The following ADCK1 variants were observed in gnomAD, a reference collection of about 807,000 sequenced individuals.
The protein encoded by ADCK1 is aarF domain containing kinase 1, also known as aarF domain-containing protein kinase 1.
Under a neutral mutation model 52.3 loss-of-function variants are expected in ADCK1, and 41 were observed. That is an observed-to-expected ratio of 0.78 (90% confidence interval 0.61 to 1.02). The LOEUF is 1.02. Ranked by LOEUF, ADCK1 falls within the 50% of genes least tolerant of loss-of-function variation. ADCK1 has a pLI of 0.00. For synonymous variants in ADCK1, 250 were observed against 274.6 expected (o/e 0.91, Z 0.89); for missense variants, 658 against 679.5 (o/e 0.97, Z 0.35).
chr14:77,896,352 T>C (rs980973160), intron 5 of ADCK1, among the ~76,000 whole-genome samples: 3 of 152,298 alleles, frequency 2.0e-5, no homozygotes, highest in Middle Eastern at 3.4e-3. Context: ...CATATCCACG[T>C]CTGGCCTATG....
intron 3 of ADCK1, among the ~76,000 whole-genome samples, chr14:77,847,574 AC>A (rs1483126584): frequency 1.3e-5 from 2 of 152,108 alleles, no homozygotes; most frequent in African/African-American, 4.8e-5. Flanking sequence ...TCTCAAACAA[AC>A]AAAAAACCCC....
At chr14:77,901,067 C>G (rs1282181498) in intron 6 of ADCK1, among the ~76,000 whole-genome samples, 8 of 139,466 alleles carry the variant, frequency 5.7e-5, no homozygotes, top group Admixed American at 5.4e-4. Flanking sequence ...TTTTTTGAGA[C>G]AGAGTCTCGC....
At chr14:77,911,562 C>T (rs747284719) in intron 7 of ADCK1, among the ~76,000 whole-genome samples, 1 of 152,130 alleles carries the variant, frequency 6.6e-6, no homozygotes, top group Non-Finnish European at 1.5e-5. Context: ...TCTGTTTTAT[C>T]GTACCCATCT....
intron 3 of ADCK1, among the ~76,000 whole-genome samples, chr14:77,842,916 G>T (rs1389098305): frequency 1.5e-5 from 2 of 136,966 alleles, no homozygotes; most frequent in Non-Finnish European, 3.1e-5. Flanking sequence ...TTAAGACTAG[G>T]TCTTTTTCTG....
At chr14:77,909,032 T>A (rs2083730599) in intron 7 of ADCK1, among the ~76,000 whole-genome samples, 1 of 151,928 alleles carries the variant, frequency 6.6e-6, no homozygotes, top group Non-Finnish European at 1.5e-5. Context: ...CTTGAGGCAC[T>A]GTGGAGTCAC....
rs370053776 is a variant in ADCK1, at chr14:77,852,660, A to AATATAT, written c.220-6377_220-6372dup. On this transcript the variant is annotated intron_variant, in intron 3 of 10. Transcript: ENST00000238561. ...CAGCCATTATTTCTTTAAATAAATA[A>AATATAT]ATATATATATATATATATATATATA... Among the ~76,000 whole-genome samples, 38 of 31,684 alleles carry AATATAT rather than the reference A, an allele frequency of 1.2e-3. 1 individual carries two copies. The highest frequency in any genetic ancestry group is 3.5e-3 in the African/African-American group (31 of 8,744). The allele number at this position is 31,684 out of a possible 152,430, so 20.8% of individuals were successfully genotyped here. A position where few individuals can be genotyped will look rare whatever the true frequency, so the allele number is the denominator to read the frequency against.
intron 3 of ADCK1, among the ~76,000 whole-genome samples, chr14:77,834,295 G>A (rs561799056): frequency 6.6e-6 from 1 of 152,062 alleles, no homozygotes; most frequent in Admixed American, 6.6e-5. Context: ...AATATTCTGG[G>A]TACCAGCTGA....
intron 6 of ADCK1, among the ~76,000 whole-genome samples, chr14:77,899,878 T>C (rs1314428756): frequency 6.6e-6 from 1 of 152,240 alleles, no homozygotes; most frequent in Non-Finnish European, 1.5e-5. Context: ...GAGACCAGCC[T>C]GGCCAACATG....
intron 4 of ADCK1, among the ~76,000 whole-genome samples, chr14:77,862,594 A>G (rs1366145606): frequency 6.6e-6 from 1 of 152,214 alleles, no homozygotes; most frequent in Non-Finnish European, 1.5e-5. Context: ...TGGGTGCCTC[A>G]GCCCTTGACT....
At chr14:77,831,000 A>G (rs926148458) in intron 3 of ADCK1, among the ~76,000 whole-genome samples, 11 of 152,222 alleles carry the variant, frequency 7.2e-5, no homozygotes, top group African/African-American at 2.4e-4. Context: ...GGTGGTGATC[A>G]AAATTCATCA....
At chr14:77,916,446 C>T (rs2083926802) in intron 7 of ADCK1, among the ~76,000 whole-genome samples, 1 of 152,028 alleles carries the variant, frequency 6.6e-6, no homozygotes, top group Non-Finnish European at 1.5e-5. Context: ...TACTCAGCAT[C>T]TCTTCTTTCT....
intron 3 of ADCK1, among the ~76,000 whole-genome samples, chr14:77,832,578 G>A (rs555055149): frequency 6.6e-5 from 10 of 152,168 alleles, no homozygotes; most frequent in Non-Finnish European, 1.3e-4. Flanking sequence ...GGGAAACACC[G>A]GAGGAGGAAG....
intron 5 of ADCK1, among the ~76,000 whole-genome samples, chr14:77,894,639 C>T (rs1283640648): frequency 6.6e-6 from 1 of 151,766 alleles, no homozygotes; most frequent in African/African-American, 2.4e-5. Flanking sequence ...AGCACAGTGC[C>T]TGGCATGTAG....
At chr14:77,880,211 T>C (rs1490091703) in intron 4 of ADCK1, among the ~76,000 whole-genome samples, 3 of 152,228 alleles carry the variant, frequency 2.0e-5, no homozygotes, top group African/African-American at 7.2e-5. Context: ...AGAAGCTTGG[T>C]CTGACCTGTG....
At chr14:77,894,113 G>A (rs563000435) in intron 5 of ADCK1, among the ~76,000 whole-genome samples, 1 of 152,134 alleles carries the variant, frequency 6.6e-6, no homozygotes, top group Non-Finnish European at 1.5e-5. Flanking sequence ...ATCCAACAGC[G>A]ATTTTATTTT....
intron 7 of ADCK1, chr14:77,914,580 T>C: frequency 1.0e-6 from 1 of 985,300 alleles, no homozygotes; most frequent in Non-Finnish European, 1.2e-6. Context: ...TTATAGAGGT[T>C]GGGTCCTGGG....
At chr14:77,928,876 T>C (rs564250084) in intron 9 of ADCK1, among the ~76,000 whole-genome samples, 1 of 152,326 alleles carries the variant, frequency 6.6e-6, no homozygotes, top group South Asian at 2.1e-4. Flanking sequence ...CACCCCTTAA[T>C]ACTTGTATTA....
intron 7 of ADCK1, among the ~76,000 whole-genome samples, chr14:77,915,493 A>G (rs1376267687): frequency 6.6e-6 from 1 of 152,188 alleles, no homozygotes; most frequent in Non-Finnish European, 1.5e-5. Context: ...CACAATAGCA[A>G]AGACTTGGAA....
intron 1 of ADCK1, among the ~76,000 whole-genome samples, chr14:77,812,752 G>C (rs1210504666): frequency 6.6e-6 from 1 of 151,962 alleles, no homozygotes; most frequent in Non-Finnish European, 1.5e-5. Flanking sequence ...ACCATGCCTG[G>C]CTAGTTTTTG....
Sources: allele counts gnomAD v4.1 joint callset (sites outside exome capture counted in the v4.1 genomes callset), GRCh38; gene constraint gnomAD v4.1.1; transcripts MANE v1.5; gene names NCBI Gene and HGNC (gene_info 2026-07-23, HGNC 2026-07-21).